Variants in ZMIZ1 observed in about 807,000 individuals in gnomAD.
ZMIZ1 encodes zinc finger MIZ domain-containing protein 1.
Under a neutral mutation model 113.9 loss-of-function variants are expected in ZMIZ1, and 17 were observed. That is an observed-to-expected ratio of 0.15 (90% CI 0.10 to 0.22). ZMIZ1 has a LOEUF of 0.22. Among genes scored for constraint, ZMIZ1 ranks in the 10% least tolerant of loss-of-function variants. ZMIZ1 has a pLI of 1.00. For missense variants in ZMIZ1, 1,059 were observed against 1,477.8 expected, an observed-to-expected ratio of 0.72 and a Z score of 4.65; for synonymous variants, 607 against 603.1, an observed-to-expected ratio of 1.01 and a Z score of -0.09.
intron 12 of ZMIZ1, chr10:79,295,061 G>C (rs1452255547): frequency 1.3e-5 from 2 of 152,136 alleles, no homozygotes; most frequent in Non-Finnish European, 2.9e-5. Flanking sequence ...CCTGGGTCCT[G>C]AGTTTGGGGG....
intron 1 of ZMIZ1, among the ~76,000 whole-genome samples, chr10:79,085,156 T>C (rs1241789936): frequency 6.6e-6 from 1 of 152,156 alleles, no homozygotes; most frequent in Admixed American, 6.5e-5. Context: ...GTGGGCACCA[T>C]GTTCTTACTG....
chr10:79,251,368 G>A (rs547636512), intron 7 of ZMIZ1, among the ~76,000 whole-genome samples: 4 of 152,202 alleles, frequency 2.6e-5, no homozygotes, highest in Admixed American at 6.5e-5. Flanking sequence ...GGATCTCATC[G>A]CCCCTGAGCA....
At chr10:79,213,673 G>T (rs1848609853) in intron 6 of ZMIZ1, among the ~76,000 whole-genome samples, 1 of 152,250 alleles carries the variant, frequency 6.6e-6, no homozygotes, top group Admixed American at 6.5e-5. Context: ...CCCAGGGCCT[G>T]AGGGTCCTCA....
In ZMIZ1 at chr10:79,163,648, G is replaced by A. The variant is rs146871133; in HGVS notation, c.-50+1515G>A. 7.1e-4 allele frequency among the ~76,000 whole-genome samples: 108 copies of A among 152,346 alleles called. 2 individuals are homozygous for A. The East Asian group carries it at 0.02, about 28-fold the overall frequency. ...GTGCTGGAATGGGGATTTGAACCGA[G>A]GTCCATCAGGATTAACCAGTGCATA... On this transcript the variant is annotated intron_variant, in intron 4 of 24. Transcript: ENST00000334512.
intron 1 of ZMIZ1, among the ~76,000 whole-genome samples, chr10:79,078,023 T>C (rs996007527): frequency 2.6e-5 from 4 of 152,170 alleles, no homozygotes; most frequent in Non-Finnish European, 5.9e-5. Flanking sequence ...TCCACACTCT[T>C]GTGTAGCACA....
intron 3 of ZMIZ1, among the ~76,000 whole-genome samples, chr10:79,142,029 T>C (rs746442553): frequency 6.6e-6 from 1 of 151,878 alleles, no homozygotes; most frequent in Non-Finnish European, 1.5e-5. Flanking sequence ...GGCTCGCTAG[T>C]GAATTAGAGG....
rs1398824103 is a variant in ZMIZ1, at chr10:79,107,922, A to G, written c.-336-10993A>G. Among the ~76,000 whole-genome samples, 9 of 152,024 alleles carry G rather than the reference A, an allele frequency of 5.9e-5. No homozygotes were observed. The East Asian group carries it at 1.5e-3, about 26-fold the overall frequency. ...CTGCCTGAGGGCCCTGGCATGGGGT[A>G]ATTGTCTATTGTTCATCGTCTGGTA... is the stretch of plus-strand genomic sequence containing the variant. On this transcript the variant is annotated intron_variant, in intron 1 of 24. Transcript: ENST00000334512.
At chr10:79,229,853 A>G (rs1333401217) in intron 7 of ZMIZ1, among the ~76,000 whole-genome samples, 1 of 152,138 alleles carries the variant, frequency 6.6e-6, no homozygotes, top group African/African-American at 2.4e-5. Context: ...GAAGTTTCCA[A>G]CCTGGACTGG....
chr10:79,277,067 T>C (rs1253059462), intron 7 of ZMIZ1, 114 bp from the exon 8 acceptor site: 2 of 1,337,728 alleles, frequency 1.5e-6, no homozygotes, highest in Non-Finnish European at 2.0e-6. Flanking sequence ...GTCACACGAA[T>C]CTGGGAGCAA....
chr10:79,088,959 GC>G (rs1244464341), intron 1 of ZMIZ1, among the ~76,000 whole-genome samples: 2 of 152,204 alleles, frequency 1.3e-5, no homozygotes, highest in Admixed American at 6.5e-5. Context: ...AGTTCAGAGT[GC>G]TGAACTTGTT....
rs546620612 is a variant in ZMIZ1 at position 79,248,373 on chromosome 10, G to A, written c.281-28808G>A. Among the ~76,000 whole-genome samples the A allele has an allele frequency of 2.0e-5, 3 of 152,154 alleles. No individual in the cohort carries two copies. The East Asian group carries it at 5.8e-4, about 29-fold the overall frequency. ...AGGAGGATGTCCCTCCAGATGGCAG[G>A]GGGGAGGTTAGCAGGAGCTCGAGGA... On this transcript the variant is annotated intron_variant, in intron 7 of 24. Transcript: ENST00000334512.
intron 1 of ZMIZ1, among the ~76,000 whole-genome samples, chr10:79,079,673 G>A (rs1413727737): frequency 6.6e-6 from 1 of 152,232 alleles, no homozygotes; most frequent in Non-Finnish European, 1.5e-5. Context: ...TGAGTGGCAG[G>A]CAGGCATGGC....
intron 7 of ZMIZ1, among the ~76,000 whole-genome samples, chr10:79,224,351 G>C (rs537077359): frequency 6.6e-6 from 1 of 152,304 alleles, no homozygotes; most frequent in East Asian, 1.9e-4. Flanking sequence ...AGTTTGGTTG[G>C]AGTTGGCAGG....
At chr10:79,247,050 T>C (rs775152867) in intron 7 of ZMIZ1, among the ~76,000 whole-genome samples, 3 of 152,224 alleles carry the variant, frequency 2.0e-5, no homozygotes, top group Non-Finnish European at 4.4e-5. Flanking sequence ...GCCTTGTCCC[T>C]GTGTCCTGAG....
chr10:79,172,586 G>A (rs1015761442), intron 4 of ZMIZ1, among the ~76,000 whole-genome samples: 45 of 152,166 alleles, frequency 3.0e-4, no homozygotes, highest in African/African-American at 1.1e-3. Flanking sequence ...AAAGTCTCCA[G>A]GTGCAGAACT....
intron 7 of ZMIZ1, among the ~76,000 whole-genome samples, chr10:79,224,697 G>A (rs898758712): frequency 6.6e-6 from 1 of 152,226 alleles, no homozygotes; most frequent in African/African-American, 2.4e-5. Flanking sequence ...CAGTGAGTAG[G>A]AGTAGGCATT....
In ZMIZ1 at chr10:79,314,158, C is replaced by G. The variant is rs1246146211; in HGVS notation, c.*1409C>G. 3 of 457,082 alleles carry G rather than the reference C, an allele frequency of 6.6e-6. 1 individual carries two copies. In the Admixed American group the frequency reaches 7.0e-5, roughly 11 times the overall value. The allele number at this position is 457,082 out of a possible 1,614,324, so 28.3% of individuals were successfully genotyped here. On this transcript the variant is annotated 3_prime_UTR_variant, in exon 25 of 25. Coordinates refer to ENST00000334512, the MANE Select transcript of ZMIZ1 (RefSeq NM_020338.4). ...CTGGCCTTCCCTCCACCGCTTTGCT[C>G]CATCTGGCTTACCACTCTCCAGGGC...
At chr10:79,105,680 T>C (rs1843529889) in intron 1 of ZMIZ1, among the ~76,000 whole-genome samples, 1 of 152,272 alleles carries the variant, frequency 6.6e-6, no homozygotes, top group African/African-American at 2.4e-5. Context: ...CCATTGTTTG[T>C]TCTCCTTGTA....
chr10:79,201,677 G>T lies in ZMIZ1; in HGVS notation c.45G>T (p.Leu15=). Residue 15 remains leucine (L), a synonymous_variant, in exon 5 of 25, where the codon CTG becomes CTT. Coordinates refer to ENST00000334512, the MANE Select transcript of ZMIZ1 (RefSeq NM_020338.4). ...ACATCCAGCAGACCAATGACCGACT[G>T]CAGTGCATCAAGCAGGTGGGTGTGG... ...DRHIQQTNDR[L]QCIKQHLQNP... 6.2e-7 allele frequency: 1 copy of T among 1,613,358 alleles called. No individual in the cohort carries two copies. The highest frequency in any genetic ancestry group is 2.2e-5 in the East Asian group (1 of 44,882).
Sources: gnomAD v4.1 joint callset for allele counts (sites outside exome capture counted in the v4.1 genomes callset) on GRCh38, gnomAD v4.1.1 for gene constraint, MANE v1.5 for transcripts, NCBI Gene and HGNC (gene_info 2026-07-23, HGNC 2026-07-21) for gene names.